Variants in POLE observed in about 807,000 individuals in gnomAD.
The protein encoded by POLE is DNA polymerase epsilon, catalytic subunit, also known as DNA polymerase epsilon catalytic subunit A.
A neutral mutation model predicts 279.2 loss-of-function variants in POLE; 188 were observed. The observed-to-expected ratio is 0.67, with a 90% confidence interval of 0.60 to 0.76. The LOEUF is 0.76. POLE is among the 30% of genes least tolerant of loss of function. The pLI, the probability that POLE is intolerant of heterozygous loss-of-function variation, is 0.00. For synonymous variants in POLE, 1,214 were observed against 1,172.5 expected (o/e 1.04, Z -0.72); for missense variants, 2,703 against 3,016.7 (o/e 0.90, Z 2.44).
chr12:132,636,072 T>C lies in POLE; in HGVS notation c.5679-48A>G, dbSNP rs982150551. The C allele has an allele frequency of 3.2e-6, 5 of 1,581,166 alleles. No homozygotes were observed. The African/African-American group carries it at 6.8e-5, about 21-fold the overall frequency. Reference sequence around the variant, plus strand: ...GCTGCTTCAGTGAAATCGACCTTGTTCTCAACTTTCCTTTATTTCCCCTTG... The same window carrying C: ...GCTGCTTCAGTGAAATCGACCTTGTCCTCAACTTTCCTTTATTTCCCCTTG... On this transcript the variant is annotated intron_variant, in intron 41 of 48. Transcript: ENST00000320574.
intron 32 of POLE, among the ~76,000 whole-genome samples, chr12:132,644,679 C>T (rs566228277): frequency 6.6e-6 from 1 of 151,928 alleles, no homozygotes; most frequent in Non-Finnish European, 1.5e-5. Flanking sequence ...GTGTGGGGTC[C>T]TGGGGGGCTC....
intron 6 of POLE, among the ~76,000 whole-genome samples, chr12:132,678,830 G>A (rs576818056): frequency 6.6e-6 from 1 of 152,222 alleles, no homozygotes; most frequent in East Asian, 1.9e-4. Flanking sequence ...AAAGACAGAC[G>A]AGTCTCAGAT....
At chr12:132,633,163 T>C (rs5745015) in intron 43 of POLE, 1,345 of 18,698 alleles carry the variant, frequency 0.072, 93 homozygotes, top group East Asian at 0.18. Flanking sequence ...GCACTTACCC[T>C]TTTTTTTTTT....
chr12:132,660,764 T>A, intron 25 of POLE: 1 of 409,162 alleles, frequency 2.4e-6, no homozygotes, highest in Non-Finnish European at 4.3e-6. Context: ...TAGAAAAACG[T>A]TTCCCTCAGA....
At position 132,677,667 on chromosome 12, in the gene POLE, T is replaced by A. The variant is rs1064796126; in HGVS notation, c.631A>T (p.Ile211Leu). The A allele has an allele frequency of 9.9e-6, 16 of 1,614,060 alleles. No homozygotes were observed. Among genetic ancestry groups the A allele is most frequent in the Non-Finnish European group, 1.2e-5 (14 of 1,180,022 alleles). The change falls in exon 7 of 49, where the codon ATA becomes TTA. Residue 211 changes from isoleucine (I) to leucine (L), a missense_variant. By Grantham distance (5) the Ile-to-Leu change is conservative (BLOSUM62 2). Coordinates refer to ENST00000320574, the MANE Select transcript of POLE (RefSeq NM_006231.4). ...ITDEEETSKK[I>L]ADQLDNIVDM... The stretch of plus-strand genomic sequence containing the variant: ...ACAATGTTGTCCAACTGGTCAGCTA[T>A]CTTCTTAGAGGTTTCCTCTTCATCA...
Position 132,664,334 on chromosome 12 carries a change from C to G in POLE, c.2561+36G>C, listed in dbSNP as rs2042743711. The G allele has an allele frequency of 1.9e-6, 3 of 1,592,878 alleles. No individual in the cohort carries two copies. In the East Asian group the frequency reaches 6.7e-5, roughly 36 times the overall value. On this transcript the variant is annotated intron_variant, in intron 22 of 48. Coordinates refer to ENST00000320574, the MANE Select transcript of POLE (RefSeq NM_006231.4). The surrounding 1 kb of genome is among the most constrained non-coding windows in gnomAD (Gnocchi z 5.3). ...TCCTGCCCATGCTTGCCCCCAGGAC[C>G]TGCTCCCAGCCCCACGGCTCCCCTT...
Position 132,672,715 on chromosome 12 carries a change from A to T in POLE, c.1598T>A (p.Val533Glu). Residue 533 changes from valine (V) to glutamate (E), a missense_variant, in exon 15 of 49, where the codon GTG becomes GAG. Val to Glu is a moderately radical substitution (Grantham distance 121). Coordinates refer to ENST00000320574, the MANE Select transcript of POLE (RefSeq NM_006231.4). The stretch of plus-strand genomic sequence containing the variant: ...CCCGACGTAGGTCTCAGAGTCCAGC[A>T]CGTGTCCGTCGTCCGTCAGCTTATT... ...EFNKLTDDGH[V>E]LDSETYVGGH... 2 of 1,614,162 alleles carry T rather than the reference A, an allele frequency of 1.2e-6. No individual in the cohort carries two copies. Among genetic ancestry groups the T allele is most frequent in the Non-Finnish European group, 8.5e-7 (1 of 1,180,034 alleles).
intron 39 of POLE, among the ~76,000 whole-genome samples, chr12:132,640,658 C>T (rs771511557): frequency 1.3e-5 from 2 of 152,260 alleles, no homozygotes; most frequent in South Asian, 2.1e-4. Flanking sequence ...ACTGAAGAAG[C>T]GGGAACTTCA....
intron 21 of POLE, among the ~76,000 whole-genome samples, chr12:132,665,046 G>A (rs1354043153): frequency 6.6e-6 from 1 of 152,006 alleles, no homozygotes; most frequent in Non-Finnish European, 1.5e-5. Context: ...ATGGCAAGTC[G>A]TGTCTCCAGC....
rs2042739401 is a variant in POLE at position 132,664,171 on chromosome 12, G to C, written c.2562-23C>G. 1 of 1,612,480 alleles carries C rather than the reference G, an allele frequency of 6.2e-7. No individual in the cohort carries two copies. Among genetic ancestry groups the C allele is most frequent in the East Asian group, 2.2e-5 (1 of 44,880 alleles). ...CTCCTTCAGAGAAAGAGAGGAGCAA[G>C]GTCGTGAGTTCCCCTTTCCTTTTCA... On this transcript the variant is annotated intron_variant, in intron 22 of 48. Coordinates refer to ENST00000320574, the MANE Select transcript of POLE (RefSeq NM_006231.4). The surrounding 1 kb of genome is among the most constrained non-coding windows in gnomAD (Gnocchi z 5.3).
At position 132,673,589 on chromosome 12, in the gene POLE, T is replaced by C. The variant is rs747935432; in HGVS notation, c.1345A>G (p.Thr449Ala). 1 of 1,612,858 alleles carries C rather than the reference T, an allele frequency of 6.2e-7. No homozygotes were observed. Among genetic ancestry groups the C allele is most frequent in the Non-Finnish European group, 8.5e-7 (1 of 1,179,984 alleles). The change falls in exon 13 of 49, where the codon ACG (threonine) becomes GCG (alanine). Residue 449 changes from threonine (T) to alanine (A), a missense_variant. By Grantham distance (58) the Thr-to-Ala change is moderately conservative. Around this residue, in one of 5 missense-constraint regions of POLE, gnomAD observed 1,011 missense variants for 1,111.7 expected, o/e 0.91. Coordinates refer to ENST00000320574, the MANE Select transcript of POLE (RefSeq NM_006231.4). Reference protein sequence around the residue: ...LDPEDMCRMATEQPQTLATYS... With the variant: ...LDPEDMCRMAAEQPQTLATYS... ...GGCTTACGTGCCTGGGGCTGCTCCGTGGCCATCCGGCACATGTCCTCCGGG... is the reference window on the plus strand; with the variant it reads ...GGCTTACGTGCCTGGGGCTGCTCCGCGGCCATCCGGCACATGTCCTCCGGG...
In POLE at chr12:132,679,617, A is replaced by C; in HGVS notation, c.458T>G (p.Ile153Ser). ...CTCCACAGTGTGGAAGGACAGCCTG[A>C]TGTAATTTCGCTTCAAACCCACCAA... ...NHLVGLKRNY[I>S]RLSFHTVEDL... The change falls in exon 6 of 49, where the codon ATC (isoleucine) becomes AGC (serine). Residue 153 changes from isoleucine to serine, a missense_variant. Around this residue, in one of 5 missense-constraint regions of POLE, gnomAD observed 1,011 missense variants for 1,111.7 expected, o/e 0.91. Transcript: ENST00000320574. 1 of 1,612,834 alleles carries C rather than the reference A, an allele frequency of 6.2e-7. No individual in the cohort carries two copies. The highest frequency in any genetic ancestry group is 8.5e-7 in the Non-Finnish European group (1 of 1,178,846).
Position 132,642,958 on chromosome 12 carries a change from G to A in POLE, c.4590C>T (p.Tyr1530=), listed in dbSNP as rs563224959. Reference sequence around the variant, plus strand: ...CCAGGAGGAGGCCGTGCTCTGCTGAGTACAGGGCGCCAAGGCTGGGCATCT... The same window carrying A: ...CCAGGAGGAGGCCGTGCTCTGCTGAATACAGGGCGCCAAGGCTGGGCATCT... ...SNQMPSLGAL[Y]SAEHGLLLEK... The change falls in exon 36 of 49, where the codon TAC becomes TAT. Residue 1530 remains tyrosine (Y), a synonymous_variant. Coordinates refer to ENST00000320574, the MANE Select transcript of POLE (RefSeq NM_006231.4). 1.0e-5 allele frequency: 16 copies of A among 1,602,580 alleles called. No individual in the cohort carries two copies. The South Asian group carries it at 1.3e-4, about 13-fold the overall frequency.
At position 132,633,033 on chromosome 12, in the gene POLE, G is replaced by A. The variant is rs888081555; in HGVS notation, c.6005-238C>T. On this transcript the variant is annotated intron_variant, in intron 43 of 48. Transcript: ENST00000320574. Reference sequence around the variant, plus strand: ...TGTCAGAGAGAAAACTGTATAAATGGGGCCATGTACACTAAGCCTCTCACT... The same window carrying A: ...TGTCAGAGAGAAAACTGTATAAATGAGGCCATGTACACTAAGCCTCTCACT... 2.6e-5 allele frequency: 13 copies of A among 496,854 alleles called. No individual in the cohort carries two copies. The Admixed American group carries it at 4.7e-4, about 18-fold the overall frequency. 30.8% of individuals were successfully genotyped at this position (496,854 alleles called of 1,614,324 possible). A position where few individuals can be genotyped will look rare whatever the true frequency, so the allele number is the denominator to read the frequency against.
chr12:132,678,269 C>T (rs1003672272), intron 6 of POLE, among the ~76,000 whole-genome samples: 3 of 151,402 alleles, frequency 2.0e-5, no homozygotes, highest in East Asian at 3.9e-4. Context: ...GAGTTACACC[C>T]CAACTAGAAA....
At chr12:132,644,305 A>T (rs1325018007) in intron 32 of POLE, among the ~76,000 whole-genome samples, 1 of 149,856 alleles carries the variant, frequency 6.7e-6, no homozygotes, top group South Asian at 2.1e-4. Context: ...GGGACAAGGA[A>T]CACACCACCA....
chr12:132,638,670 C>T (rs1229610590), intron 40 of POLE: 2 of 175,136 alleles, frequency 1.1e-5, no homozygotes, highest in Admixed American at 1.1e-4. Context: ...ACCTCTGAGG[C>T]CTGCAAGAGG....
chr12:132,673,992 C>T (rs902107751), intron 12 of POLE, among the ~76,000 whole-genome samples: 35 of 152,042 alleles, frequency 2.3e-4, no homozygotes, highest in Admixed American at 2.0e-3. Context: ...CTCCGACGGG[C>T]GCCCCACCTC....
chr12:132,647,855 C>T (rs188801113), intron 32 of POLE, among the ~76,000 whole-genome samples: 23 of 152,260 alleles, frequency 1.5e-4, no homozygotes, highest in African/African-American at 4.3e-4. Flanking sequence ...CCGCCCACCT[C>T]GGTCTCCCAA....
Sources: allele counts gnomAD v4.1 joint callset (sites outside exome capture counted in the v4.1 genomes callset), GRCh38; gene constraint gnomAD v4.1.1; regional missense constraint gnomAD v4.1.1; non-coding constraint Gnocchi (gnomAD v3.1); transcripts MANE v1.5; gene names NCBI Gene and HGNC (gene_info 2026-07-23, HGNC 2026-07-21).